Variants in AGAP1 observed in about 807,000 individuals in gnomAD.
AGAP1 encodes ArfGAP with GTPase domain, ankyrin repeat and PH domain 1, also known as arf-GAP with GTPase, ANK repeat and PH domain-containing protein 1.
A neutral mutation model predicts 105.3 loss-of-function variants in AGAP1; 29 were observed. That is an observed-to-expected ratio of 0.28 (90% CI 0.21 to 0.38). The LOEUF is 0.38. Ranked by LOEUF, AGAP1 falls within the 10% of genes least tolerant of loss-of-function variation. AGAP1 has a pLI of 1.00. For synonymous variants in AGAP1, 509 were observed against 485.9 expected (o/e 1.05, Z -0.63); for missense variants, 998 against 1,165.1 (o/e 0.86, Z 2.09).
rs540049043 is a variant in AGAP1, at chr2:235,611,063, G to A, written c.164-98116G>A. ...GCCGCCTGCCTGCAACCCCATAGCC[G>A]AGTCAGCTCCCTGGATGGGCTAGTG... is the stretch of plus-strand genomic sequence containing the variant. On this transcript the variant is annotated intron_variant, in intron 1 of 17. Transcript: ENST00000304032. The surrounding 1 kb of genome is among the most constrained non-coding windows in gnomAD (Gnocchi z 5.0). Among the ~76,000 whole-genome samples the A allele has an allele frequency of 5.8e-4, 89 of 152,292 alleles. No homozygotes were observed. The highest frequency in any genetic ancestry group is 2.1e-3 in the African/African-American group (87 of 41,546).
At chr2:235,837,923 C>A (rs529951545) in intron 9 of AGAP1, among the ~76,000 whole-genome samples, 89 of 152,232 alleles carry the variant, frequency 5.8e-4, no homozygotes, top group South Asian at 1.7e-3. Flanking sequence ...TGGCTCACAC[C>A]TGTAGTCCCA....
At chr2:235,945,474 C>G (rs1169929464) in intron 12 of AGAP1, among the ~76,000 whole-genome samples, 1 of 152,198 alleles carries the variant, frequency 6.6e-6, no homozygotes, top group Non-Finnish European at 1.5e-5. Context: ...ATGTTGGTAT[C>G]TGTTGCACAT....
Position 236,051,761 on chromosome 2 carries a change from C to G in AGAP1, c.2114+2480C>G, listed in dbSNP as rs891951191. 5.9e-5 allele frequency among the ~76,000 whole-genome samples: 9 copies of G among 152,134 alleles called. No homozygotes were observed. The highest frequency in any genetic ancestry group is 1.3e-4 in the Non-Finnish European group (9 of 68,012). Reference sequence around the variant, plus strand: ...GGGTTCTGTCTGTCCCACCTGTTCCCAAGAGGACTAAAGGCAGCCAGCAAG... The same window carrying G: ...GGGTTCTGTCTGTCCCACCTGTTCCGAAGAGGACTAAAGGCAGCCAGCAAG... On this transcript the variant is annotated intron_variant, in intron 16 of 17. Coordinates refer to ENST00000304032, the MANE Select transcript of AGAP1 (RefSeq NM_001037131.3). The surrounding 1 kb of genome is among the most constrained non-coding windows in gnomAD (Gnocchi z 5.9).
Position 235,721,635 on chromosome 2 carries a change from C to T in AGAP1, c.310+3991C>T, listed in dbSNP as rs1951390490. Among the ~76,000 whole-genome samples, 1 of 152,132 alleles carries T rather than the reference C, an allele frequency of 6.6e-6. No homozygotes were observed. The highest frequency in any genetic ancestry group is 6.5e-5 in the Admixed American group (1 of 15,282). On this transcript the variant is annotated intron_variant, in intron 3 of 17. Coordinates refer to ENST00000304032, the MANE Select transcript of AGAP1 (RefSeq NM_001037131.3). This position sits in a 1 kb window ranked among gnomAD's most constrained non-coding sequence, Gnocchi z 4.5. ...CAGAAGTCTGAAATCAAGGTGTTGACGGGGTTGGTTCCTTCTGCAGCTTAG... is the reference window on the plus strand; with the variant it reads ...CAGAAGTCTGAAATCAAGGTGTTGATGGGGTTGGTTCCTTCTGCAGCTTAG...
At chr2:235,896,087 G>A (rs143066301) in intron 10 of AGAP1, among the ~76,000 whole-genome samples, 70 of 152,186 alleles carry the variant, frequency 4.6e-4, no homozygotes, top group African/African-American at 1.4e-3. Context: ...CAAACTCTAC[G>A]CATAAACACA....
Position 235,976,547 on chromosome 2 carries a change from T to G in AGAP1, c.1645+7924T>G, listed in dbSNP as rs1305454934. 6.6e-6 allele frequency among the ~76,000 whole-genome samples: 1 copy of G among 152,212 alleles called. No homozygotes were observed. The highest frequency in any genetic ancestry group is 1.5e-5 in the Non-Finnish European group (1 of 68,046). ...TGTGGTTTTTGTTTGTTTGTTTGTTTTAATTTTTTTAACCACACACAAACT... is the reference window on the plus strand; with the variant it reads ...TGTGGTTTTTGTTTGTTTGTTTGTTGTAATTTTTTTAACCACACACAAACT... On this transcript the variant is annotated intron_variant, in intron 13 of 17. Coordinates refer to ENST00000304032, the MANE Select transcript of AGAP1 (RefSeq NM_001037131.3). The surrounding 1 kb of genome is among the most constrained non-coding windows in gnomAD (Gnocchi z 4.5).
At chr2:235,534,435 G>A (rs1017360545) in intron 1 of AGAP1, among the ~76,000 whole-genome samples, 3 of 152,108 alleles carry the variant, frequency 2.0e-5, no homozygotes, top group Non-Finnish European at 4.4e-5. Context: ...AAAAAATACA[G>A]TGGCACCTGC....
intron 16 of AGAP1, among the ~76,000 whole-genome samples, chr2:236,075,803 A>T (rs1223399761): frequency 6.6e-6 from 1 of 152,208 alleles, no homozygotes; most frequent in Non-Finnish European, 1.5e-5. Flanking sequence ...TGTCATCAAG[A>T]TGCCGCCATT....
rs112953015 is a variant in AGAP1 at position 236,075,376 on chromosome 2, C to G, written c.2114+26095C>G. 9.2e-5 allele frequency among the ~76,000 whole-genome samples: 14 copies of G among 152,244 alleles called. 1 individual carries two copies. Among genetic ancestry groups the G allele is most frequent in the African/African-American group, 3.4e-4 (14 of 41,552 alleles). On this transcript the variant is annotated intron_variant, in intron 16 of 17. Coordinates refer to ENST00000304032, the MANE Select transcript of AGAP1 (RefSeq NM_001037131.3). The stretch of plus-strand genomic sequence containing the variant: ...ACTTGGTACTGCCCATCCCCACCCC[C>G]AAGGGCTCCCAGTTTATTAAGAAAA...
chr2:235,932,946 C>A (rs1375642056), intron 12 of AGAP1, among the ~76,000 whole-genome samples: 7 of 152,186 alleles, frequency 4.6e-5, no homozygotes, highest in Non-Finnish European at 8.8e-5. Context: ...TTTTTATTCA[C>A]AAAGCAATTT....
rs1031028795 is a variant in AGAP1 at position 236,128,077 on chromosome 2, C to CG, written c.*3955_*3956insG. On this transcript the variant is annotated 3_prime_UTR_variant, in exon 18 of 18. Coordinates refer to ENST00000304032, the MANE Select transcript of AGAP1 (RefSeq NM_001037131.3). This position sits in a 1 kb window ranked among gnomAD's most constrained non-coding sequence, Gnocchi z 5.9. ...GGCTGTGATGGGCACGTTTGCCAAC[C>CG]CCCCCCCCCCAGTAGAGCCCAGGAC... The CG allele has an allele frequency of 2.8e-5, 3 of 106,196 alleles. No homozygotes were observed. Among genetic ancestry groups the CG allele is most frequent in the Admixed American group, 1.9e-4 (2 of 10,504 alleles). 6.6% of individuals were successfully genotyped at this position (106,196 alleles called of 1,614,324 possible).
rs369860207 is a variant in AGAP1, at chr2:235,714,400, G to A, written c.223-3157G>A. Among the ~76,000 whole-genome samples the A allele has an allele frequency of 1.4e-4, 21 of 152,140 alleles. No individual in the cohort carries two copies. The highest frequency in any genetic ancestry group is 3.4e-3 in the Middle Eastern group (1 of 294). ...CAAACATTCCTACCATATAGTTGAA[G>A]GCTTGTCAGAGGAGGTGACATCTGA... On this transcript the variant is annotated intron_variant, in intron 2 of 17. Transcript: ENST00000304032. This position sits in a 1 kb window ranked among gnomAD's most constrained non-coding sequence, Gnocchi z 4.1.
At position 235,759,238 on chromosome 2, in the gene AGAP1, A is replaced by G. The variant is rs376415532; in HGVS notation, c.673+8750A>G. ...GGCTGGACTGCAGTGGTGTGATCTC[A>G]GCTCACTGCAAGCTCCACCTCCTGG... On this transcript the variant is annotated intron_variant, in intron 6 of 17. Transcript: ENST00000304032. 3.9e-4 allele frequency among the ~76,000 whole-genome samples: 54 copies of G among 138,226 alleles called. 1 individual carries two copies. In the East Asian group the frequency reaches 4.4e-3, roughly 11 times the overall value. The allele number at this position is 138,226 out of a possible 152,430, so 90.7% of individuals were successfully genotyped here. A position where few individuals can be genotyped will look rare whatever the true frequency, so the allele number is the denominator to read the frequency against.
At chr2:235,894,308 A>G (rs1229531686) in intron 10 of AGAP1, among the ~76,000 whole-genome samples, 3 of 152,086 alleles carry the variant, frequency 2.0e-5, no homozygotes, top group Admixed American at 2.0e-4. Context: ...GATAATCCCC[A>G]TTGAACAGAG....
Position 235,901,469 on chromosome 2 carries a change from C to T in AGAP1, c.1156-7269C>T, listed in dbSNP as rs1229484751. On this transcript the variant is annotated intron_variant, in intron 10 of 17. Transcript: ENST00000304032. The surrounding 1 kb of genome is among the most constrained non-coding windows in gnomAD (Gnocchi z 4.3). ...TACAATATCTTTCCACAGTCCAACC[C>T]TTTGCTCCTCCCCGGTTGTGTACAT... 6.6e-6 allele frequency among the ~76,000 whole-genome samples: 1 copy of T among 152,206 alleles called. No homozygotes were observed. Among genetic ancestry groups the T allele is most frequent in the Non-Finnish European group, 1.5e-5 (1 of 68,038 alleles).
At position 235,882,492 on chromosome 2, in the gene AGAP1, A is replaced by G. The variant is rs1174002669; in HGVS notation, c.1051-853A>G. On this transcript the variant is annotated intron_variant, in intron 9 of 17. Transcript: ENST00000304032. This position sits in a 1 kb window ranked among gnomAD's most constrained non-coding sequence, Gnocchi z 4.6. ...TCCCCCCACGTCTGGTTTGTCTGCC[A>G]TTTTCTTAAAACAATCGGTACCATC... 5.2e-6 allele frequency: 8 copies of G among 1,533,232 alleles called. No individual in the cohort carries two copies. Among genetic ancestry groups the G allele is most frequent in the Admixed American group, 1.7e-5 (1 of 58,776 alleles). The allele number at this position is 1,533,232 out of a possible 1,614,324, so 95.0% of individuals were successfully genotyped here.
chr2:235,688,493 T>C (rs1310441952), intron 1 of AGAP1, among the ~76,000 whole-genome samples: 4 of 152,146 alleles, frequency 2.6e-5, no homozygotes, highest in African/African-American at 7.2e-5. Flanking sequence ...TTTCTGCCTC[T>C]CTTGGGGTAC....
rs2060056901 is a variant in AGAP1 at position 236,129,656 on chromosome 2, T to C, written c.*5534T>C. 1.3e-5 allele frequency: 2 copies of C among 152,194 alleles called. No individual in the cohort carries two copies. The highest frequency in any genetic ancestry group is 4.8e-5 in the African/African-American group (2 of 41,458). 9.4% of individuals were successfully genotyped at this position (152,194 alleles called of 1,614,324 possible). On this transcript the variant is annotated 3_prime_UTR_variant, in exon 18 of 18. Transcript: ENST00000304032. The surrounding 1 kb of genome is among the most constrained non-coding windows in gnomAD (Gnocchi z 6.2). ...TTACTGTTTCAAAACACAAACTTTA[T>C]TCCCCTTAGAGAAGAAATACTGCCC...
At chr2:235,707,123 G>A (rs1008596575) in intron 1 of AGAP1, among the ~76,000 whole-genome samples, 11 of 152,316 alleles carry the variant, frequency 7.2e-5, no homozygotes, top group East Asian at 5.8e-4. Flanking sequence ...CAATGTGTCC[G>A]TGTCAGTGGG....
Sources: gnomAD v4.1 joint callset for allele counts (sites outside exome capture counted in the v4.1 genomes callset) on GRCh38, gnomAD v4.1.1 for gene constraint, Gnocchi (gnomAD v3.1) non-coding constraint, MANE v1.5 for transcripts, NCBI Gene and HGNC (gene_info 2026-07-23, HGNC 2026-07-21) for gene names.